Variants in PDE4DIP observed in about 807,000 individuals in gnomAD.
The protein encoded by PDE4DIP is phosphodiesterase 4D interacting protein.
Under a neutral mutation model 221.4 loss-of-function variants are expected in PDE4DIP, and 59 were observed. The observed-to-expected ratio is 0.27, with a 90% CI of 0.22 to 0.33. The LOEUF (loss-of-function observed/expected upper bound fraction) is 0.33. Ranked by LOEUF, PDE4DIP falls within the 10% of genes least tolerant of loss-of-function variation. The pLI is 1.00. For missense variants in PDE4DIP, 1,036 were observed against 2,154.2 expected (o/e 0.48, Z 10.28); for synonymous variants, 404 against 815.9 (o/e 0.50, Z 8.60).
intron 1 of PDE4DIP, among the ~76,000 whole-genome samples, chr1:148,922,832 C>A (rs2985346): frequency 1.3e-5 from 2 of 150,988 alleles, no homozygotes; most frequent in Admixed American, 6.6e-5. Context: ...GTGATCCGCC[C>A]GCCTCGGCCT....
At chr1:148,874,946 A>AG (rs879948470) in intron 3 of PDE4DIP, among the ~76,000 whole-genome samples, 3 of 150,146 alleles carry the variant, frequency 2.0e-5, no homozygotes, top group East Asian at 1.9e-4. Context: ...GGAAAAAAAA[A>AG]GTGCTAAAAG....
In PDE4DIP at chr1:149,016,303, CA is replaced by C. The variant is rs1482890321; in HGVS notation, c.5272del (p.Ser1758AlafsTer12). On this transcript the variant is annotated frameshift_variant, in exon 33 of 44. Transcript: ENST00000369354. LOFTEE classifies it high-confidence loss of function. ...CTAATGTTTCTTTCTGCCCAGGTGC[CA>C]GCACTGTTCCTCCTGCTTCCACAGC... 6.2e-7 allele frequency: 1 copy of C among 1,613,716 alleles called. No homozygotes were observed. Among genetic ancestry groups the C allele is most frequent in the Non-Finnish European group, 8.5e-7 (1 of 1,179,912 alleles).
intron 9 of PDE4DIP, among the ~76,000 whole-genome samples, chr1:148,963,893 A>C (rs1553515219): frequency 6.8e-6 from 1 of 146,066 alleles, no homozygotes; most frequent in Admixed American, 6.8e-5. Flanking sequence ...AGCTGGGACT[A>C]CAGGCACTGG....
At chr1:148,963,748 C>CTTTTTTTT (rs66921099) in intron 9 of PDE4DIP, among the ~76,000 whole-genome samples, 71 of 89,154 alleles carry the variant, frequency 8.0e-4, no homozygotes, top group Non-Finnish European at 9.9e-4. Context: ...TTCTTTCCTT[C>CTTTTTTTT]TTTTTTTTTT....
At chr1:148,951,674 T>G (rs1553488637) in intron 5 of PDE4DIP, among the ~76,000 whole-genome samples, 1 of 152,292 alleles carries the variant, frequency 6.6e-6, no homozygotes, top group East Asian at 1.9e-4. Flanking sequence ...AAAAGCCCAT[T>G]TCTCTTCTAC....
intron 1 of PDE4DIP, among the ~76,000 whole-genome samples, chr1:148,925,615 A>G (rs1558826173): frequency 6.6e-6 from 1 of 151,578 alleles, no homozygotes; most frequent in Non-Finnish European, 1.5e-5. Flanking sequence ...AGATCTAAGT[A>G]TTTTTCCTGG....
intron 14 of PDE4DIP, among the ~76,000 whole-genome samples, chr1:148,971,675 A>G (rs1175272950): frequency 6.6e-6 from 1 of 151,892 alleles, no homozygotes; most frequent in Non-Finnish European, 1.5e-5. Context: ...TTGGATCCCC[A>G]AAACATATTC....
chr1:148,830,359 C>T (rs1486504779), intron 1 of PDE4DIP, among the ~76,000 whole-genome samples: 1 of 49,458 alleles, frequency 2.0e-5, no homozygotes, highest in Non-Finnish European at 3.9e-5. Context: ...TCTTCAGAGC[C>T]ACACATCCTC....
rs1231137116 is a variant in PDE4DIP, at chr1:148,846,482, C to T, written c.234-16768C>T. Among the ~76,000 whole-genome samples the T allele has an allele frequency of 6.8e-5, 4 of 58,818 alleles. 2 individuals are homozygous for T. The highest frequency in any genetic ancestry group is 1.2e-4 in the Non-Finnish European group (4 of 32,920). The allele number at this position is 58,818 out of a possible 152,430, so 38.6% of individuals were successfully genotyped here. A position where few individuals can be genotyped will look rare whatever the true frequency, so the allele number is the denominator to read the frequency against. The stretch of plus-strand genomic sequence containing the variant: ...AAAAAAAAAAAAAAAAAAGACCAGG[C>T]GAGGTGGCTCACGCCTGTAATTGCA... On this transcript the variant is annotated intron_variant, in intron 1 of 45. Transcript: ENST00000524974.
chr1:148,987,172 A>T (rs1470640792), intron 21 of PDE4DIP, among the ~76,000 whole-genome samples: 1 of 152,180 alleles, frequency 6.6e-6, no homozygotes. Context: ...AGATGTTGCA[A>T]TTTAAAGACA....
exon 35 of PDE4DIP, chr1:149,018,562 A>C (rs782046209): frequency 8.2e-7 from 1 of 1,214,124 alleles, no homozygotes; most frequent in South Asian, 1.3e-5. Flanking sequence ...TAACTTCTAC[A>C]GTCAGGGCCT....
At chr1:149,022,303 G>A (rs1159408817) in intron 37 of PDE4DIP, among the ~76,000 whole-genome samples, 1 of 147,710 alleles carries the variant, frequency 6.8e-6, no homozygotes. Context: ...GCGCACAATG[G>A]TGTGGACCAG....
At chr1:148,990,584 C>T (rs1235391289) in intron 21 of PDE4DIP, among the ~76,000 whole-genome samples, 324 of 151,158 alleles carry the variant, frequency 2.1e-3, no homozygotes, top group Non-Finnish European at 3.7e-3. Context: ...ACTGGCGCAG[C>T]TCTAGTGAGG....
intron 1 of PDE4DIP, among the ~76,000 whole-genome samples, chr1:148,922,886 C>T (rs1195049618): frequency 2.8e-5 from 4 of 141,448 alleles, no homozygotes; most frequent in Non-Finnish European, 4.6e-5. Context: ...GTGCCCGGCC[C>T]TTATTTTTTA....
At chr1:148,998,225 G>A in exon 23 of PDE4DIP, 1 of 1,559,524 alleles carries the variant, frequency 6.4e-7, no homozygotes, top group Non-Finnish European at 8.8e-7. Flanking sequence ...CCGATGGGAG[G>A]GGACAGTAAC....
At chr1:148,838,741 CTCCTTAGCCAGA>C (rs1196084231) in intron 1 of PDE4DIP, among the ~76,000 whole-genome samples, 2 of 102,050 alleles carry the variant, frequency 2.0e-5, no homozygotes, top group East Asian at 4.9e-4. Flanking sequence ...TGCTGAAAAT[CTCCTTAGCCAGA>C]TCCTCCCATT....
intron 23 of PDE4DIP, among the ~76,000 whole-genome samples, chr1:149,000,506 A>T (rs2065373088): frequency 6.6e-6 from 1 of 151,584 alleles, no homozygotes; most frequent in African/African-American, 2.4e-5. Flanking sequence ...GTGAGCCAAG[A>T]TCTCACCACT....
intron 5 of PDE4DIP, among the ~76,000 whole-genome samples, chr1:148,949,043 T>G (rs2052496783): frequency 6.6e-6 from 1 of 152,244 alleles, no homozygotes; most frequent in Admixed American, 6.5e-5. Flanking sequence ...TCAAGATGTA[T>G]CCACGTTGCA....
chr1:148,838,490 T>C (rs1674144476), intron 1 of PDE4DIP, among the ~76,000 whole-genome samples: 1 of 39,062 alleles, frequency 2.6e-5, no homozygotes, highest in Admixed American at 2.8e-4. Context: ...GCTTTCCCTG[T>C]CTAGAGAGAT....
Sources: allele counts gnomAD v4.1 joint callset (sites outside exome capture counted in the v4.1 genomes callset), GRCh38; gene constraint gnomAD v4.1.1; transcripts MANE v1.5; gene names NCBI Gene and HGNC (gene_info 2026-07-23, HGNC 2026-07-21).